Variants in SLC6A3 observed in about 807,000 individuals in gnomAD.
SLC6A3 encodes the protein solute carrier family 6 member 3, also known as sodium-dependent dopamine transporter.
A neutral mutation model predicts 70.4 loss-of-function variants in SLC6A3; 19 were observed. The ratio of observed to expected loss-of-function variants is 0.27; its 90% CI spans 0.19 to 0.40. The LOEUF (loss-of-function observed/expected upper bound fraction) is 0.40. Ranked by LOEUF, SLC6A3 falls within the 10% of genes least tolerant of loss-of-function variation. The probability of loss-of-function intolerance (pLI) is 1.00; values close to 1 mark genes in which losing one functional copy is unlikely to be tolerated. For synonymous variants in SLC6A3, 368 were observed against 356.6 expected (o/e 1.03, Z -0.36); for missense variants, 613 against 838.5 (o/e 0.73, Z 3.32).
In SLC6A3 at chr5:1,394,553, C is replaced by T. The variant is rs116340926; in HGVS notation, c.*182G>A. On this transcript the variant is annotated 3_prime_UTR_variant, in exon 15 of 15. Transcript: ENST00000270349. The surrounding 1 kb of genome is among the most constrained non-coding windows in gnomAD (Gnocchi z 4.7). ...GCAACACAAGACACGGCGAGGTGCGCTCCCGGCACGGAAAGGTGTAAACAG... is the reference window on the plus strand; with the variant it reads ...GCAACACAAGACACGGCGAGGTGCGTTCCCGGCACGGAAAGGTGTAAACAG... 6.3e-5 allele frequency: 45 copies of T among 719,908 alleles called. No homozygotes were observed. The highest frequency in any genetic ancestry group is 2.0e-4 in the Admixed American group (10 of 49,610). The allele number at this position is 719,908 out of a possible 1,614,324, so 44.6% of individuals were successfully genotyped here.
Position 1,434,745 on chromosome 5 carries a change from C to A in SLC6A3, c.419-2047G>T, listed in dbSNP as rs150430536. Among the ~76,000 whole-genome samples the A allele has an allele frequency of 2.2e-4, 33 of 152,310 alleles. No homozygotes were observed. The East Asian group carries it at 6.4e-3, about 29-fold the overall frequency. On this transcript the variant is annotated intron_variant, in intron 3 of 14. Transcript: ENST00000270349. ...TGCCTGTTCATGGCCGGGGTAGGAG[C>A]ATACCTTCAAGGTGACTTTTGCAGG...
At position 1,425,394 on chromosome 5, in the gene SLC6A3, G is replaced by C. The variant is rs143650500; in HGVS notation, c.654-3380C>G. On this transcript the variant is annotated intron_variant, in intron 4 of 14. Transcript: ENST00000270349. ...CACTCTCTAAACAAAGACGACAAGA[G>C]CTAAATACCCATTAGTATAAAACTC... Among the ~76,000 whole-genome samples, 27 of 152,302 alleles carry C rather than the reference G, an allele frequency of 1.8e-4. No individual in the cohort carries two copies. In the East Asian group the frequency reaches 4.2e-3, roughly 24 times the overall value.
In SLC6A3 at chr5:1,437,366, AGAG is replaced by A. The variant is rs1212163469; in HGVS notation, c.418+3990_418+3992del. On this transcript the variant is annotated intron_variant, in intron 3 of 14. Transcript: ENST00000270349. The surrounding 1 kb of genome is among the most constrained non-coding windows in gnomAD (Gnocchi z 4.8). ...GTGTGTGCATGTACCCGAGAGACAGAGAGGAGAAGAGACAGAACAGGAGAGAGA... is the reference window on the plus strand; with the variant it reads ...GTGTGTGCATGTACCCGAGAGACAGAGAGAAGAGACAGAACAGGAGAGAGA... Among the ~76,000 whole-genome samples, 1 of 152,056 alleles carries A rather than the reference AGAG, an allele frequency of 6.6e-6. No homozygotes were observed. Among genetic ancestry groups the A allele is most frequent in the Non-Finnish European group, 1.5e-5 (1 of 67,998 alleles).
chr5:1,412,573 A>G (rs1248238097), intron 8 of SLC6A3, among the ~76,000 whole-genome samples: 1 of 152,218 alleles, frequency 6.6e-6, no homozygotes, highest in African/African-American at 2.4e-5. Flanking sequence ...GCAGGCGACC[A>G]AAAGTCAACG....
Position 1,420,608 on chromosome 5 carries a change from T to C in SLC6A3, c.888A>G (p.Ala296=). The change falls in exon 6 of 15, where the codon GCA becomes GCG. Residue 296 remains alanine, a synonymous_variant. Transcript: ENST00000270349. ...TLPGAIDGIR[A]YLSVDFYRLC... is the part of the protein sequence containing the mutation. ...GCCGGTAGAAGTCAACGCTCAGGTA[T>C]GCTCTGATGCCGTCTATGGCTCCAG... 1 of 1,613,638 alleles carries C rather than the reference T, an allele frequency of 6.2e-7. No individual in the cohort carries two copies. The highest frequency in any genetic ancestry group is 1.1e-5 in the South Asian group (1 of 91,086).
Position 1,406,176 on chromosome 5 carries a change from G to A in SLC6A3, c.1599+12C>T, listed in dbSNP as rs150170183. The stretch of plus-strand genomic sequence containing the variant: ...CAGACGGGGGAAGGGCAGGTGGCCC[G>A]AGGTCCCTTACCAGGAGAAAGCAGG... On this transcript the variant is annotated intron_variant, in intron 12 of 14. Coordinates refer to ENST00000270349, the MANE Select transcript of SLC6A3 (RefSeq NM_001044.5). This position sits in a 1 kb window ranked among gnomAD's most constrained non-coding sequence, Gnocchi z 8.8. 16 of 1,599,996 alleles carry A rather than the reference G, an allele frequency of 1.0e-5. No individual in the cohort carries two copies. Among genetic ancestry groups the A allele is most frequent in the South Asian group, 4.4e-5 (4 of 90,862 alleles).
chr5:1,444,188 G>A (rs1733746373), intron 1 of SLC6A3, among the ~76,000 whole-genome samples: 1 of 152,204 alleles, frequency 6.6e-6, no homozygotes, highest in Admixed American at 6.5e-5. Flanking sequence ...CTTCATCGCG[G>A]GAACTAGCTC....
In SLC6A3 at chr5:1,394,715, G is replaced by A. The variant is rs190330669; in HGVS notation, c.*20C>T. On this transcript the variant is annotated 3_prime_UTR_variant, in exon 15 of 15. Transcript: ENST00000270349. This position sits in a 1 kb window ranked among gnomAD's most constrained non-coding sequence, Gnocchi z 4.7. Reference sequence around the variant, plus strand: ...CTCCCATTGCAGGATGACTTCCTGGGGTCTTCGTCTCTGCTCCCTCTACAC... The same window carrying A: ...CTCCCATTGCAGGATGACTTCCTGGAGTCTTCGTCTCTGCTCCCTCTACAC... The A allele has an allele frequency of 1.1e-5, 17 of 1,613,244 alleles. No homozygotes were observed. The highest frequency in any genetic ancestry group is 8.3e-5 in the Admixed American group (5 of 60,020).
At chr5:1,422,054 T>A in intron 4 of SLC6A3, 40 bp from the exon 5 acceptor site, 1 of 1,599,202 alleles carries the variant, frequency 6.3e-7, no homozygotes. Context: ...TGGGTGGCTG[T>A]CAACCCACCT....
In SLC6A3 at chr5:1,420,558, A is replaced by T. The variant is rs1756408552; in HGVS notation, c.927+11T>A. On this transcript the variant is annotated intron_variant, in intron 6 of 14. Coordinates refer to ENST00000270349, the MANE Select transcript of SLC6A3 (RefSeq NM_001044.5). Reference sequence around the variant, plus strand: ...CTGTGGACTGTGAAGCAGTGAGCAGACTGTACTCACAGACGCCTCGCAGAG... The same window carrying T: ...CTGTGGACTGTGAAGCAGTGAGCAGTCTGTACTCACAGACGCCTCGCAGAG... The T allele has an allele frequency of 5.0e-6, 8 of 1,613,090 alleles. No individual in the cohort carries two copies. The highest frequency in any genetic ancestry group is 1.3e-5 in the African/African-American group (1 of 75,054).
chr5:1,399,118 ATAGG>A (rs1371991697), intron 14 of SLC6A3, among the ~76,000 whole-genome samples: 1 of 152,242 alleles, frequency 6.6e-6, no homozygotes. Flanking sequence ...ATTTTAAATA[ATAGG>A]TATCATATGT....
In SLC6A3 at chr5:1,405,043, A is replaced by G. The variant is rs1262911867; in HGVS notation, c.1599+1145T>C. Among the ~76,000 whole-genome samples, 3 of 152,176 alleles carry G rather than the reference A, an allele frequency of 2.0e-5. No individual in the cohort carries two copies. The highest frequency in any genetic ancestry group is 6.5e-5 in the Admixed American group (1 of 15,278). ...GCTGACTTTCTGGGAGGGCTTCCTC[A>G]CTTTCCCCTCTGAACAGCCATGTAG... On this transcript the variant is annotated intron_variant, in intron 12 of 14. Coordinates refer to ENST00000270349, the MANE Select transcript of SLC6A3 (RefSeq NM_001044.5). The surrounding 1 kb of genome is among the most constrained non-coding windows in gnomAD (Gnocchi z 5.3).
intron 2 of SLC6A3, 128 bp from the exon 3 acceptor site, chr5:1,441,618 G>A (rs546370200): frequency 1.0e-4 from 111 of 1,097,872 alleles, no homozygotes; most frequent in Non-Finnish European, 1.3e-4. Context: ...ACTCTCCAAC[G>A]GGAAGTCCCA....
chr5:1,441,643 A>C (rs891008734), intron 2 of SLC6A3, among the ~76,000 whole-genome samples, 153 bp from the exon 3 acceptor site: 1 of 152,156 alleles, frequency 6.6e-6, no homozygotes, highest in African/African-American at 2.4e-5. Flanking sequence ...AGGGTAGATG[A>C]GTCCCGAAGC....
Position 1,402,839 on chromosome 5 carries a change from G to A in SLC6A3, c.1767+83C>T. 1.5e-6 allele frequency: 2 copies of A among 1,379,066 alleles called. No homozygotes were observed. Among genetic ancestry groups the A allele is most frequent in the Non-Finnish European group, 2.0e-6 (2 of 983,924 alleles). 85.4% of individuals were successfully genotyped at this position (1,379,066 alleles called of 1,614,324 possible). A position where few individuals can be genotyped will look rare whatever the true frequency, so the allele number is the denominator to read the frequency against. On this transcript the variant is annotated intron_variant, in intron 13 of 14. Transcript: ENST00000270349. The surrounding 1 kb of genome is among the most constrained non-coding windows in gnomAD (Gnocchi z 8.5). ...CTCTTGGTCACAGATGACCCAGGCA[G>A]GTGAGGACTGGGGCCATGGACACCC...
rs908907345 is a variant in SLC6A3 at position 1,397,385 on chromosome 5, T to G, written c.1840-2627A>C. Among the ~76,000 whole-genome samples the G allele has an allele frequency of 2.0e-5, 3 of 152,136 alleles. No homozygotes were observed. Among genetic ancestry groups the G allele is most frequent in the Admixed American group, 2.0e-4 (3 of 15,278 alleles). ...GGCGGAGCTTGCAGTGAGCCGAGAT[T>G]GCGCCACTGCACTCCAGCCTGGGCT... On this transcript the variant is annotated intron_variant, in intron 14 of 14. Coordinates refer to ENST00000270349, the MANE Select transcript of SLC6A3 (RefSeq NM_001044.5). The surrounding 1 kb of genome is among the most constrained non-coding windows in gnomAD (Gnocchi z 4.7).
At position 1,436,527 on chromosome 5, in the gene SLC6A3, C is replaced by G. The variant is rs1384341289; in HGVS notation, c.419-3829G>C. 6.6e-6 allele frequency among the ~76,000 whole-genome samples: 1 copy of G among 152,190 alleles called. No individual in the cohort carries two copies. Among genetic ancestry groups the G allele is most frequent in the African/African-American group, 2.4e-5 (1 of 41,440 alleles). On this transcript the variant is annotated intron_variant, in intron 3 of 14. Transcript: ENST00000270349. This position sits in a 1 kb window ranked among gnomAD's most constrained non-coding sequence, Gnocchi z 5.2. ...CTCGGCGCTAAGTGTGAATTTCAAG[C>G]ATAGCTTTTAAGGCCCATTTCCTTA...
chr5:1,409,781 C>T lies in SLC6A3; in HGVS notation c.1338G>A (p.Glu446=). ...DEFQLLHRHR[E]LFTLFIVLAT... Reference sequence around the variant, plus strand: ...CCAGGACGATGAAGAGCGTGAAGAGCTCACGGTGTCTGTGCAGCAGCTGGA... The same window carrying T: ...CCAGGACGATGAAGAGCGTGAAGAGTTCACGGTGTCTGTGCAGCAGCTGGA... Residue 446 remains glutamate, a synonymous_variant, in exon 10 of 15, where the codon GAG becomes GAA. Coordinates refer to ENST00000270349, the MANE Select transcript of SLC6A3 (RefSeq NM_001044.5). The T allele has an allele frequency of 1.2e-6, 2 of 1,613,404 alleles. No homozygotes were observed. Among genetic ancestry groups the T allele is most frequent in the Non-Finnish European group, 1.7e-6 (2 of 1,179,970 alleles).
chr5:1,422,537 C>A (rs796264064), intron 4 of SLC6A3, among the ~76,000 whole-genome samples: 40 of 113,286 alleles, frequency 3.5e-4, no homozygotes, highest in East Asian at 1.3e-3. Flanking sequence ...GTGCTGCCCA[C>A]GCTGCTGGGT....
Sources: gnomAD v4.1 joint callset for allele counts (sites outside exome capture counted in the v4.1 genomes callset) on GRCh38, gnomAD v4.1.1 for gene constraint, Gnocchi (gnomAD v3.1) non-coding constraint, MANE v1.5 for transcripts, NCBI Gene and HGNC (gene_info 2026-07-23, HGNC 2026-07-21) for gene names.